ODF2: variants seen among roughly 807,000 people sequenced by gnomAD.
ODF2 encodes outer dense fiber of sperm tails 2, also known as outer dense fiber protein 2.
Under a neutral mutation model 110.2 loss-of-function variants are expected in ODF2, and 47 were observed. The ratio of observed to expected loss-of-function variants is 0.43; its 90% CI spans 0.34 to 0.54. ODF2 has a LOEUF of 0.54. ODF2 is among the 20% of genes least tolerant of loss of function. The pLI is 0.03. For missense variants in ODF2, 812 were observed against 1,054.5 expected (o/e 0.77, Z 3.19); for synonymous variants, 352 against 397.7 (o/e 0.89, Z 1.37).
rs565959363 is a variant in ODF2, at chr9:128,466,411, G to A, written c.250-2772G>A. ...GAGCCTGGGAGGCAGAGGTTGCAGTGAACCAAAGTTGTGCTACTGCACTCC... is the reference window on the plus strand; with the variant it reads ...GAGCCTGGGAGGCAGAGGTTGCAGTAAACCAAAGTTGTGCTACTGCACTCC... On this transcript the variant is annotated intron_variant, in intron 4 of 20. Coordinates refer to ENST00000604420, the Ensembl canonical transcript of ODF2. Among the ~76,000 whole-genome samples, 7 of 150,648 alleles carry A rather than the reference G, an allele frequency of 4.6e-5. No homozygotes were observed. In the South Asian group the frequency reaches 1.5e-3, roughly 32 times the overall value.
At chr9:128,482,232 G>A (rs1210700631) in intron 9 of ODF2, among the ~76,000 whole-genome samples, 4 of 152,242 alleles carry the variant, frequency 2.6e-5, no homozygotes, top group African/African-American at 4.8e-5. Flanking sequence ...GGAGGGAGAC[G>A]GAGGCCCAGT....
rs907813507 is a variant in ODF2 at position 128,494,103 on chromosome 9, A to C, written c.1753-407A>C. On this transcript the variant is annotated intron_variant, in intron 16 of 20. Transcript: ENST00000604420. The surrounding 1 kb of genome is among the most constrained non-coding windows in gnomAD (Gnocchi z 4.6). ...GCCACTGCACCTGGCTTGGAGTTAG[A>C]CTAGACTTTAATCCTGTGTTTACCA... 2.6e-5 allele frequency among the ~76,000 whole-genome samples: 4 copies of C among 152,110 alleles called. No individual in the cohort carries two copies. Among genetic ancestry groups the C allele is most frequent in the Non-Finnish European group, 5.9e-5 (4 of 68,012 alleles).
chr9:128,484,506 G>A (rs986353346), intron 11 of ODF2, among the ~76,000 whole-genome samples, 195 bp from the exon 12 acceptor site: 5 of 152,212 alleles, frequency 3.3e-5, no homozygotes, highest in Admixed American at 2.0e-4. Flanking sequence ...GGGAGGTGTC[G>A]TGGGGAGCTG....
chr9:128,469,480 G>A (rs1291215289), intron 5 of ODF2, 127 bp downstream of exon 5: 12 of 983,532 alleles, frequency 1.2e-5, no homozygotes, highest in South Asian at 2.8e-5. Context: ...GGGTTGCCCC[G>A]GGCTTCAGTT....
chr9:128,460,811 C>CCTGT, intron 3 of ODF2, 131 bp from the exon 4 acceptor site: 1 of 1,508,970 alleles, frequency 6.6e-7, no homozygotes, highest in Non-Finnish European at 9.1e-7. Context: ...GGTAGGCAGG[C>CCTGT]CTGTCATCCA....
At chr9:128,482,296 T>TG (rs1448576971) in intron 9 of ODF2, among the ~76,000 whole-genome samples, 3 of 152,236 alleles carry the variant, frequency 2.0e-5, no homozygotes, top group Non-Finnish European at 4.4e-5. Flanking sequence ...GGAGTGGAGA[T>TG]GCAGCAAGCT....
chr9:128,473,457 G>A (rs1840529855), intron 7 of ODF2, among the ~76,000 whole-genome samples, 153 bp from the exon 8 acceptor site: 2 of 151,806 alleles, frequency 1.3e-5, no homozygotes, highest in South Asian at 2.1e-4. Flanking sequence ...TAGGTCCACC[G>A]CTTCCAGGAA....
chr9:128,459,718 ACCG>A, intron 3 of ODF2, 61 bp downstream of exon 2: 2 of 1,325,978 alleles, frequency 1.5e-6, no homozygotes, highest in Non-Finnish European at 2.2e-6. Context: ...GCTTTTGCAC[ACCG>A]TTTCTAGGAG....
At chr9:128,457,399 C>T (rs914179194) in exon 2 of ODF2, 32 of 1,613,046 alleles carry the variant, frequency 2.0e-5, no homozygotes, top group African/African-American at 8.0e-5. Context: ...GGCTTTGATG[C>T]CTAGCCATGT....
intron 11 of ODF2, among the ~76,000 whole-genome samples, 196 bp from the exon 12 acceptor site, chr9:128,484,505 C>T (rs1564508060): frequency 6.6e-6 from 1 of 152,142 alleles, no homozygotes; most frequent in African/African-American, 2.4e-5. Context: ...AGGGAGGTGT[C>T]GTGGGGAGCT....
chr9:128,487,923 C>G, exon 14 of ODF2: 1 of 1,613,976 alleles, frequency 6.2e-7, no homozygotes, highest in Non-Finnish European at 8.5e-7. Flanking sequence ...AACAACAAAC[C>G]CTGGAGGAGA....
chr9:128,478,408 G>A (rs1031250192), intron 8 of ODF2, among the ~76,000 whole-genome samples: 1 of 152,072 alleles, frequency 6.6e-6, no homozygotes, highest in Non-Finnish European at 1.5e-5. Flanking sequence ...GACCAGCCTG[G>A]GCAACACGGT....
chr9:128,498,532 T>C (rs1165478325), exon 19 of ODF2: 11 of 1,611,206 alleles, frequency 6.8e-6, no homozygotes, highest in Non-Finnish European at 8.5e-6. Context: ...TGTGGGACCC[T>C]GGCAAGGCAG....
chr9:128,494,870 A>G lies in ODF2; in HGVS notation c.1911+202A>G. 5.5e-6 allele frequency: 8 copies of G among 1,458,772 alleles called. 1 individual carries two copies. In the South Asian group the frequency reaches 1.0e-4, roughly 18 times the overall value. The allele number at this position is 1,458,772 out of a possible 1,614,324, so 90.4% of individuals were successfully genotyped here. A position where few individuals can be genotyped will look rare whatever the true frequency, so the allele number is the denominator to read the frequency against. On this transcript the variant is annotated intron_variant, in intron 17 of 20. Transcript: ENST00000604420. The surrounding 1 kb of genome is among the most constrained non-coding windows in gnomAD (Gnocchi z 4.6). ...GTTTGCACAAAGTGATTGTAGTTAT[A>G]GGAGCCGTCACTTGCGTGGAGTCAC... is the stretch of plus-strand genomic sequence containing the variant.
chr9:128,473,397 C>A, intron 7 of ODF2: 1 of 627,660 alleles, frequency 1.6e-6, no homozygotes, highest in Non-Finnish European at 2.0e-6. Context: ...AGCCTTCCCA[C>A]CCCTTTCTCC....
chr9:128,481,700 C>T lies in ODF2; in HGVS notation c.915+49C>T, dbSNP rs183521922. The T allele has an allele frequency of 4.5e-5, 65 of 1,445,486 alleles. No individual in the cohort carries two copies. In the African/African-American group the frequency reaches 6.6e-4, roughly 15 times the overall value. The allele number at this position is 1,445,486 out of a possible 1,614,324, so 89.5% of individuals were successfully genotyped here. On this transcript the variant is annotated intron_variant, in intron 9 of 20. Transcript: ENST00000604420. The stretch of plus-strand genomic sequence containing the variant: ...CTCTAGTGGGTACAGGTGGCAAGAG[C>T]GTCGTTCCACTACAAAGTGTAGAGG...
upstream of ODF2, chr9:128,456,059 C>G (rs941131982): frequency 3.3e-6 from 5 of 1,509,926 alleles, no homozygotes; most frequent in Non-Finnish European, 4.4e-6. Context: ...ATGGCGAAAC[C>G]CAAGCGGCTC....
Position 128,456,275 on chromosome 9 carries a change from C to A in ODF2, c.-209+20C>A, listed in dbSNP as rs543925743. 14 of 1,528,416 alleles carry A rather than the reference C, an allele frequency of 9.2e-6. No homozygotes were observed. The South Asian group carries it at 1.6e-4, about 17-fold the overall frequency. 94.7% of individuals were successfully genotyped at this position (1,528,416 alleles called of 1,614,324 possible). ...CTCCTGGTGAGAGGCCGCCGGCAGG[C>A]GGGATCCAGCGCCCTCCGGGGCACC... On this transcript the variant is annotated intron_variant, in intron 1 of 20. Coordinates refer to ENST00000604420, the Ensembl canonical transcript of ODF2.
chr9:128,473,261 A>G, intron 7 of ODF2: 1 of 984,104 alleles, frequency 1.0e-6, no homozygotes, highest in Non-Finnish European at 1.2e-6. Context: ...AGACCTCATC[A>G]TGGGTCTCCT....
Sources: allele counts gnomAD v4.1 joint callset (sites outside exome capture counted in the v4.1 genomes callset), GRCh38; gene constraint gnomAD v4.1.1; non-coding constraint Gnocchi (gnomAD v3.1); transcripts MANE v1.5; gene names NCBI Gene and HGNC (gene_info 2026-07-23, HGNC 2026-07-21).